The following SPTB variants were observed in gnomAD, a reference collection of about 807,000 sequenced individuals.
SPTB encodes spectrin beta, erythrocytic.
Under a neutral mutation model 256.2 loss-of-function variants are expected in SPTB, and 45 were observed. The observed-to-expected ratio is 0.18, with a 90% CI of 0.14 to 0.23. SPTB has a LOEUF of 0.23. Ranked by LOEUF, SPTB falls within the 10% of genes least tolerant of loss-of-function variation. The pLI is 1.00. For synonymous variants in SPTB, 1,231 were observed against 1,243.1 expected (o/e 0.99, Z 0.21); for missense variants, 2,715 against 3,040.4 (o/e 0.89, Z 2.52).
chr14:64,786,893 C>G lies in SPTB; in HGVS notation c.3072G>C (p.Ser1024=), dbSNP rs112653810. 15 of 1,612,630 alleles carry G rather than the reference C, an allele frequency of 9.3e-6. No individual in the cohort carries two copies. Among genetic ancestry groups the G allele is most frequent in the African/African-American group, 2.7e-5 (2 of 74,926 alleles). Residue 1024 remains serine (S), a synonymous_variant, in exon 16 of 36, where the codon TCG becomes TCC. Coordinates refer to ENST00000644917, the MANE Select transcript of SPTB (RefSeq NM_001355436.2). This position sits in a 1 kb window ranked among gnomAD's most constrained non-coding sequence, Gnocchi z 5.6. ...LERESQQLMD[S]HPEQKEDIGQ... ...CAATATCCTCCTTCTGCTCAGGGTGCGAGTCCATCAGCTGCTGGGACTCAC... is the reference window on the plus strand; with the variant it reads ...CAATATCCTCCTTCTGCTCAGGGTGGGAGTCCATCAGCTGCTGGGACTCAC...
chr14:64,816,982 C>T lies in SPTB; in HGVS notation c.148+5965G>A, dbSNP rs1036673702. On this transcript the variant is annotated intron_variant, in intron 2 of 35. Coordinates refer to ENST00000644917, the MANE Select transcript of SPTB (RefSeq NM_001355436.2). The surrounding 1 kb of genome is among the most constrained non-coding windows in gnomAD (Gnocchi z 4.2). ...CGTGGTTCACTCAGACTGCACTGCC[C>T]GGGGAGAGAACAGAGTCTTATTATT... is the stretch of plus-strand genomic sequence containing the variant. 5.3e-5 allele frequency among the ~76,000 whole-genome samples: 8 copies of T among 152,110 alleles called. No individual in the cohort carries two copies. Among genetic ancestry groups the T allele is most frequent in the South Asian group, 2.1e-4 (1 of 4,824 alleles).
intron 15 of SPTB, among the ~76,000 whole-genome samples, chr14:64,789,523 G>T (rs1366025333): frequency 6.6e-6 from 1 of 152,170 alleles, no homozygotes; most frequent in African/African-American, 2.4e-5. Flanking sequence ...GGAAGGATGT[G>T]CTGCTTTCCA....
chr14:64,755,703 A>G (rs2139437610), intron 32 of SPTB: 1 of 152,232 alleles, frequency 6.6e-6, no homozygotes, highest in East Asian at 1.9e-4. Flanking sequence ...CAAAACATTC[A>G]CCCTAGATAT....
chr14:64,862,393 T>C (rs1190919786), intron 1 of SPTB, among the ~76,000 whole-genome samples: 1 of 152,124 alleles, frequency 6.6e-6, no homozygotes, highest in African/African-American at 2.4e-5. Context: ...TAAGATCATA[T>C]AATCAAAATT....
rs1466791179 is a variant in SPTB, at chr14:64,802,576, G to A, written c.475-259C>T. Among the ~76,000 whole-genome samples the A allele has an allele frequency of 6.6e-6, 1 of 152,118 alleles. No homozygotes were observed. The highest frequency in any genetic ancestry group is 2.4e-5 in the African/African-American group (1 of 41,396). On this transcript the variant is annotated intron_variant, in intron 4 of 35. Transcript: ENST00000644917. The surrounding 1 kb of genome is among the most constrained non-coding windows in gnomAD (Gnocchi z 5.1). ...GTCACTTGTCTGTCTCCAGGGCCTG[G>A]AGCCTGGTGCACCATCAGTACTCCA...
In SPTB at chr14:64,795,591, GCTT is replaced by G; in HGVS notation, c.1387_1389del (p.Lys463del). On this transcript the variant is annotated inframe_deletion, in exon 12 of 36. Coordinates refer to ENST00000644917, the MANE Select transcript of SPTB (RefSeq NM_001355436.2). This position sits in a 1 kb window ranked among gnomAD's most constrained non-coding sequence, Gnocchi z 6.5. ...GCCGTGTCGGTCTCGATGGCCTCATGCTTCTTCTTGGCGGCCTCCACAGCTGCC... is the reference window on the plus strand; with the variant it reads ...GCCGTGTCGGTCTCGATGGCCTCATGCTTCTTGGCGGCCTCCACAGCTGCC... 3.7e-6 allele frequency: 6 copies of G among 1,614,048 alleles called. No homozygotes were observed. The highest frequency in any genetic ancestry group is 1.1e-5 in the South Asian group (1 of 91,066).
In SPTB at chr14:64,784,274, A is replaced by G; in HGVS notation, c.3975T>C (p.His1325=). ...CATCGATGTTCTCTAGCCACCCTTC[A>G]TGGGAAGCCAGCTCTGCCACAAACG... ...HQAFVAELAS[H]EGWLENIDAE... Residue 1325 remains histidine (H), a synonymous_variant, in exon 19 of 36, where the codon CAT becomes CAC. Coordinates refer to ENST00000644917, the MANE Select transcript of SPTB (RefSeq NM_001355436.2). The G allele has an allele frequency of 6.2e-7, 1 of 1,614,236 alleles. No individual in the cohort carries two copies. Among genetic ancestry groups the G allele is most frequent in the Non-Finnish European group, 8.5e-7 (1 of 1,180,038 alleles).
intron 32 of SPTB, among the ~76,000 whole-genome samples, chr14:64,766,240 GTGTGTGTGCATGTGGGTGTGTATT>G (rs1021539836): frequency 1.3e-5 from 2 of 150,636 alleles, no homozygotes; most frequent in Non-Finnish European, 3.0e-5. Context: ...GGGGTGTGTG[GTGTGTGTGCATGTGGGTGTGTATT>G]TGTGTGTGCA....
At chr14:64,822,292 C>T (rs1018500488) in intron 2 of SPTB, among the ~76,000 whole-genome samples, 1 of 136,868 alleles carries the variant, frequency 7.3e-6, no homozygotes, top group African/African-American at 2.6e-5. Flanking sequence ...CAGATATCAG[C>T]CAACAGGGGG....
chr14:64,788,521 G>A (rs974625123), intron 15 of SPTB, among the ~76,000 whole-genome samples: 2 of 152,208 alleles, frequency 1.3e-5, no homozygotes, highest in South Asian at 2.1e-4. Context: ...GGAATTCCGT[G>A]CCTGTCTGGC....
In SPTB at chr14:64,769,598, AG is replaced by A; in HGVS notation, c.5928del (p.Ser1977GlnfsTer11). ...GESLLQRQHQ[A>X]SEEIREKLQQ... ...CCTTGCAGTCCCCTCACCTCCTCTG[AG>A]GCCTGGTGCTGCCGCTGCAGCAGGG... On this transcript the variant is annotated frameshift_variant, in exon 28 of 36. Coordinates refer to ENST00000644917, the MANE Select transcript of SPTB (RefSeq NM_001355436.2). LOFTEE classifies it high-confidence loss of function. The A allele has an allele frequency of 6.2e-7, 1 of 1,613,942 alleles. No individual in the cohort carries two copies. The highest frequency in any genetic ancestry group is 8.5e-7 in the Non-Finnish European group (1 of 1,180,020).
chr14:64,856,881 A>T (rs189307465), intron 1 of SPTB, among the ~76,000 whole-genome samples: 3 of 152,372 alleles, frequency 2.0e-5, no homozygotes, highest in Admixed American at 1.3e-4. Flanking sequence ...GCTGCTGCTG[A>T]CATGTTTGAG....
At position 64,772,684 on chromosome 14, in the gene SPTB, G is replaced by A. The variant is rs773272203; in HGVS notation, c.5449C>T (p.His1817Tyr). Residue 1817 changes from histidine (H) to tyrosine (Y), a missense_variant, in exon 26 of 36, where the codon CAC becomes TAC. Physicochemically the swap from His to Tyr is moderately conservative, Grantham distance 83 (BLOSUM62 2). Coordinates refer to ENST00000644917, the MANE Select transcript of SPTB (RefSeq NM_001355436.2). The surrounding 1 kb of genome is among the most constrained non-coding windows in gnomAD (Gnocchi z 5.4). ...CCCACGTCCTCGGGCAGCTCGCGGT[G>A]CTTCTCGTCGATGAGGCCCAGGATC... ...AEILGLIDEK[H>Y]RELPEDVGLD... The A allele has an allele frequency of 1.2e-6, 2 of 1,613,732 alleles. No individual in the cohort carries two copies. The highest frequency in any genetic ancestry group is 2.2e-5 in the South Asian group (2 of 91,084).
intron 2 of SPTB, among the ~76,000 whole-genome samples, chr14:64,811,172 A>G (rs1741466): frequency 0.36 from 54,979 of 152,106 alleles, 10,699 homozygotes; most frequent in African/African-American, 0.51. Flanking sequence ...ATGAGCAAAA[A>G]TATATCTAAC....
intron 1 of SPTB, among the ~76,000 whole-genome samples, chr14:64,855,267 G>C (rs1318785289): frequency 6.6e-6 from 1 of 152,220 alleles, no homozygotes; most frequent in African/African-American, 2.4e-5. Flanking sequence ...AAAATGTCTA[G>C]CAAGAACTAT....
At chr14:64,860,204 A>G (rs2139799465) in intron 1 of SPTB, among the ~76,000 whole-genome samples, 1 of 152,342 alleles carries the variant, frequency 6.6e-6, no homozygotes, top group East Asian at 1.9e-4. Flanking sequence ...CAAAGAAAGT[A>G]TATTCACACC....
intron 25 of SPTB, 64 bp from the exon 26 acceptor site, chr14:64,773,018 T>C (rs1472476871): frequency 6.3e-7 from 1 of 1,580,794 alleles, no homozygotes; most frequent in Non-Finnish European, 8.6e-7. Flanking sequence ...GTCACCAGCT[T>C]AGCCAAAGAC....
rs771898660 is a variant in SPTB at position 64,786,787 on chromosome 14, C to T, written c.3178G>A (p.Val1060Ile). The T allele has an allele frequency of 3.1e-6, 5 of 1,614,034 alleles. No homozygotes were observed. Among genetic ancestry groups the T allele is most frequent in the East Asian group, 2.2e-5 (1 of 44,868 alleles). Residue 1060 changes from valine to isoleucine, a missense_variant, in exon 16 of 36, where the codon GTC becomes ATC. This residue lies in a region of SPTB where 2,239 missense variants were observed against 2,384.4 expected (regional missense o/e 0.94). Transcript: ENST00000644917. This position sits in a 1 kb window ranked among gnomAD's most constrained non-coding sequence, Gnocchi z 5.6. ...TGCAGGAAGGCCTGCAGCTGGCTGA[C>T]TTCCCCCAGCAAGTCCTCCTGGCCC... ...LQGQEDLLGEVSQLQAFLQDL... is the reference protein window; with the variant it reads ...LQGQEDLLGEISQLQAFLQDL...
Position 64,772,796 on chromosome 14 carries a change from C to A in SPTB, c.5337G>T (p.Trp1779Cys). 1 of 1,613,992 alleles carries A rather than the reference C, an allele frequency of 6.2e-7. No homozygotes were observed. Among genetic ancestry groups the A allele is most frequent in the Non-Finnish European group, 8.5e-7 (1 of 1,180,032 alleles). ...TGTCAATGAGCTCCAGGAGGTCTGC[C>A]CACATCTCGTTCAGCCCGTCCTTCC... Reference protein sequence around the residue: ...AEWKDGLNEMWADLLELIDTR... With the variant: ...AEWKDGLNEMCADLLELIDTR... Residue 1779 changes from tryptophan (W) to cysteine (C), a missense_variant, in exon 26 of 36, where the codon TGG (tryptophan) becomes TGT (cysteine). This residue lies in a region of SPTB where 2,239 missense variants were observed against 2,384.4 expected (regional missense o/e 0.94). Coordinates refer to ENST00000644917, the MANE Select transcript of SPTB (RefSeq NM_001355436.2). The surrounding 1 kb of genome is among the most constrained non-coding windows in gnomAD (Gnocchi z 5.4).
Sources: allele counts gnomAD v4.1 joint callset (sites outside exome capture counted in the v4.1 genomes callset), GRCh38; gene constraint gnomAD v4.1.1; regional missense constraint gnomAD v4.1.1; non-coding constraint Gnocchi (gnomAD v3.1); transcripts MANE v1.5; gene names NCBI Gene and HGNC (gene_info 2026-07-23, HGNC 2026-07-21).